The following SYT14 variants were observed in gnomAD, a reference collection of about 807,000 sequenced individuals.
SYT14 encodes the protein synaptotagmin 14.
In SYT14, 32 loss-of-function variants were observed where a neutral mutation model predicts 74.2. The observed-to-expected ratio is 0.43, with a 90% CI of 0.33 to 0.58. The LOEUF is 0.58. Among genes scored for constraint, SYT14 ranks in the 20% least tolerant of loss-of-function variants. The pLI, the probability that SYT14 is intolerant of heterozygous loss-of-function variation, is 0.05. For synonymous variants in SYT14, 298 were observed against 337.7 expected, an observed-to-expected ratio of 0.88 and a Z score of 1.29; for missense variants, 791 against 981.8, an observed-to-expected ratio of 0.81 and a Z score of 2.60.
intron 4 of SYT14, among the ~76,000 whole-genome samples, chr1:210,018,108 C>A (rs1043445492): frequency 1.3e-5 from 2 of 152,108 alleles, no homozygotes; most frequent in African/African-American, 2.4e-5. Context: ...GAAAATGTAT[C>A]CATTTTGGAG....
chr1:210,121,733 G>A (rs1299553265), intron 7 of SYT14, among the ~76,000 whole-genome samples: 1 of 151,256 alleles, frequency 6.6e-6, no homozygotes, highest in East Asian at 1.9e-4. Context: ...GGCAGAGCTT[G>A]CAGTGAGCCA....
At chr1:210,084,958 C>T (rs1025509743) in intron 5 of SYT14, among the ~76,000 whole-genome samples, 1 of 152,210 alleles carries the variant, frequency 6.6e-6, no homozygotes, top group Admixed American at 6.5e-5. Flanking sequence ...TTTTGAGATG[C>T]CGTGTTACTG....
intron 7 of SYT14, among the ~76,000 whole-genome samples, chr1:210,139,265 CTTTTTTTTTTTTTTTT>C (rs960923188): frequency 1.0e-5 from 1 of 95,858 alleles, no homozygotes; most frequent in Non-Finnish European, 2.0e-5. Context: ...TTTCTTTTTT[CTTTTTTTTTTTTTTTT>C]TTTTTTGATT....
chr1:210,057,177 T>G (rs1177421769), intron 5 of SYT14, among the ~76,000 whole-genome samples: 1 of 152,176 alleles, frequency 6.6e-6, no homozygotes, highest in Non-Finnish European at 1.5e-5. Flanking sequence ...ATCCCAAGAT[T>G]GGAGACAAAC....
At chr1:210,053,825 C>G (rs2081046570) in intron 5 of SYT14, among the ~76,000 whole-genome samples, 2 of 152,206 alleles carry the variant, frequency 1.3e-5, no homozygotes, top group South Asian at 4.1e-4. Context: ...ATTACAAACT[C>G]AACAGTCTTT....
intron 7 of SYT14, among the ~76,000 whole-genome samples, chr1:210,134,069 T>TTTAA (rs2082732347): frequency 1.3e-5 from 2 of 151,380 alleles, no homozygotes. Flanking sequence ...TTGATTTTTA[T>TTTAA]TTATTTATTT....
intron 7 of SYT14, among the ~76,000 whole-genome samples, chr1:210,114,432 TAATC>T (rs1391647430): frequency 1.3e-5 from 2 of 151,416 alleles, no homozygotes; most frequent in African/African-American, 4.9e-5. Context: ...AAGGCGAGGT[TAATC>T]AAGTCCTGTT....
chr1:210,121,608 C>A (rs1246009205), intron 7 of SYT14, among the ~76,000 whole-genome samples: 1 of 152,028 alleles, frequency 6.6e-6, no homozygotes, highest in African/African-American at 2.4e-5. Context: ...TCCTGGCTAA[C>A]ATGGTGAAAC....
At chr1:210,106,055 C>G (rs899964658) in intron 7 of SYT14, among the ~76,000 whole-genome samples, 3 of 152,150 alleles carry the variant, frequency 2.0e-5, no homozygotes, top group African/African-American at 7.2e-5. Context: ...TAAGAATGGC[C>G]TAACACAGCA....
At chr1:210,160,327 G>C (rs1168905837) in intron 9 of SYT14, among the ~76,000 whole-genome samples, 1 of 151,712 alleles carries the variant, frequency 6.6e-6, no homozygotes, top group Non-Finnish European at 1.5e-5. Context: ...TTACAGTGTT[G>C]TGGCTAATTG....
chr1:209,991,745 G>C (rs1051983893), intron 2 of SYT14, among the ~76,000 whole-genome samples: 2 of 151,780 alleles, frequency 1.3e-5, no homozygotes, highest in Non-Finnish European at 2.9e-5. Context: ...CATGAGAATC[G>C]CTTGAACCTA....
intron 5 of SYT14, among the ~76,000 whole-genome samples, chr1:210,029,407 T>C (rs915813359): frequency 1.3e-5 from 2 of 152,200 alleles, no homozygotes; most frequent in Admixed American, 6.6e-5. Context: ...TTAAGTCTTA[T>C]CGTTATGATG....
At chr1:210,023,653 A>G (rs2080349784) in intron 5 of SYT14, among the ~76,000 whole-genome samples, 1 of 152,178 alleles carries the variant, frequency 6.6e-6, no homozygotes, top group African/African-American at 2.4e-5. Flanking sequence ...ACAAAACTTT[A>G]AAAATCAAAA....
chr1:209,961,109 G>T (rs916942656), intron 2 of SYT14, among the ~76,000 whole-genome samples: 20 of 152,026 alleles, frequency 1.3e-4, no homozygotes, highest in Non-Finnish European at 8.8e-5. Flanking sequence ...CTCCCTTTTT[G>T]CTGGGTAGAC....
At chr1:210,077,701 A>G (rs773855679) in intron 5 of SYT14, among the ~76,000 whole-genome samples, 6 of 152,170 alleles carry the variant, frequency 3.9e-5, no homozygotes, top group Non-Finnish European at 8.8e-5. Flanking sequence ...GTACGTTTCT[A>G]TCTGCAATTT....
At chr1:209,938,337 G>C in intron 1 of SYT14, 60 bp downstream of exon 1, 1 of 1,511,822 alleles carries the variant, frequency 6.6e-7, no homozygotes, top group Non-Finnish European at 8.9e-7. Context: ...CGGGGGGCTC[G>C]GAGGTGCGCC....
At chr1:210,107,330 C>A (rs751596046) in intron 7 of SYT14, among the ~76,000 whole-genome samples, 1 of 152,128 alleles carries the variant, frequency 6.6e-6, no homozygotes, top group Non-Finnish European at 1.5e-5. Flanking sequence ...TTGACAATTA[C>A]AATTGTCAAC....
At chr1:210,146,124 G>A (rs1023704606) in intron 7 of SYT14, among the ~76,000 whole-genome samples, 3 of 152,136 alleles carry the variant, frequency 2.0e-5, no homozygotes, top group Non-Finnish European at 4.4e-5. Context: ...GGTCACCTGA[G>A]GTCAGGAGTT....
rs528809310 is a variant in SYT14, at chr1:210,026,496, T to G, written c.1312+5242T>G. Among the ~76,000 whole-genome samples the G allele has an allele frequency of 3.9e-5, 6 of 152,138 alleles. No homozygotes were observed. In the South Asian group the frequency reaches 1.2e-3, roughly 32 times the overall value. On this transcript the variant is annotated intron_variant, in intron 5 of 9. Transcript: ENST00000637265. ...AGATTACGTAGCTATACTTATGTAT[T>G]ATGGAAAGCTGTATTATTAAATTTA...
Sources: allele counts gnomAD v4.1 joint callset (sites outside exome capture counted in the v4.1 genomes callset), GRCh38; gene constraint gnomAD v4.1.1; transcripts MANE v1.5; gene names NCBI Gene and HGNC (gene_info 2026-07-23, HGNC 2026-07-21).